Variants in IGHMBP2 observed in about 807,000 individuals in gnomAD.
The protein encoded by IGHMBP2 is immunoglobulin mu DNA binding protein 2.
In IGHMBP2, 81 loss-of-function variants were observed where a neutral mutation model predicts 96.0. The observed-to-expected ratio is 0.84, with a 90% CI of 0.71 to 1.01. IGHMBP2 has a LOEUF of 1.01. Among genes scored for constraint, IGHMBP2 ranks in the 50% least tolerant of loss-of-function variants. IGHMBP2 has a pLI of 0.00. For synonymous variants in IGHMBP2, 557 were observed against 548.9 expected (o/e 1.01, Z -0.21); for missense variants, 1,227 against 1,306.3 (o/e 0.94, Z 0.94).
rs1450898542 is a variant in IGHMBP2 at position 68,933,494 on chromosome 11, G to T, written c.1418+13G>T. On this transcript the variant is annotated intron_variant, in intron 9 of 14. Coordinates refer to ENST00000255078, the MANE Select transcript of IGHMBP2 (RefSeq NM_002180.3). ...GGCACCTCCTGAGGTGAGTAGCTCG[G>T]CACCACCCGCCGCCCCATCCTTCTG... 3.1e-6 allele frequency: 5 copies of T among 1,607,514 alleles called. No individual in the cohort carries two copies. The highest frequency in any genetic ancestry group is 4.2e-6 in the Non-Finnish European group (5 of 1,177,360).
chr11:68,930,088 T>C, intron 8 of IGHMBP2: 1 of 1,173,480 alleles, frequency 8.5e-7, no homozygotes, highest in African/African-American at 1.6e-5. Context: ...GCGTGCCCTC[T>C]CTCCAGATGA....
At chr11:68,931,371 G>A (rs895102325) in intron 8 of IGHMBP2, among the ~76,000 whole-genome samples, 5 of 152,200 alleles carry the variant, frequency 3.3e-5, no homozygotes, top group African/African-American at 1.2e-4. Flanking sequence ...GCTTGTTCCC[G>A]GCTCCTGCCT....
At chr11:68,934,352 G>C in intron 10 of IGHMBP2, 112 bp from the exon 11 acceptor site, 1 of 777,918 alleles carries the variant, frequency 1.3e-6, no homozygotes, top group Non-Finnish European at 2.2e-6. Context: ...AGCCACCTGA[G>C]TGGAGGATCA....
In IGHMBP2 at chr11:68,940,528, T is replaced by C. The variant is rs898341326; in HGVS notation, c.*797T>C. ...TTCTATTTAAGAGAACCTCAGATGA[T>C]GTACCTGAGCCTCAGGGTTTTGTTT... is the stretch of plus-strand genomic sequence containing the variant. On this transcript the variant is annotated 3_prime_UTR_variant, in exon 15 of 15. Coordinates refer to ENST00000255078, the MANE Select transcript of IGHMBP2 (RefSeq NM_002180.3). The C allele has an allele frequency of 6.6e-6, 1 of 152,208 alleles. No homozygotes were observed. Among genetic ancestry groups the C allele is most frequent in the Non-Finnish European group, 1.5e-5 (1 of 68,044 alleles). 9.4% of individuals were successfully genotyped at this position (152,208 alleles called of 1,614,324 possible). A position where few individuals can be genotyped will look rare whatever the true frequency, so the allele number is the denominator to read the frequency against.
intron 9 of IGHMBP2, 39 bp from the exon 10 acceptor site, chr11:68,933,756 G>A (rs762505690): frequency 5.3e-5 from 80 of 1,510,696 alleles, no homozygotes; most frequent in Non-Finnish European, 7.1e-5. Flanking sequence ...GTGCTGCACT[G>A]TGGCCCCCTG....
intron 4 of IGHMBP2, among the ~76,000 whole-genome samples, chr11:68,910,881 CAAAAAAA>C (rs10599717): frequency 8.3e-6 from 1 of 120,828 alleles, no homozygotes. Context: ...GACTCCATCT[CAAAAAAA>C]AAAAAAAAAA....
intron 4 of IGHMBP2, among the ~76,000 whole-genome samples, chr11:68,910,381 G>A (rs1248609349): frequency 6.6e-6 from 1 of 152,224 alleles, no homozygotes; most frequent in Non-Finnish European, 1.5e-5. Context: ...CTAGAGCACG[G>A]GAACGTGGGG....
In IGHMBP2 at chr11:68,908,294, CT is replaced by C; in HGVS notation, c.407del (p.Leu136ArgfsTer2). On this transcript the variant is annotated frameshift_variant, in exon 3 of 15. Coordinates refer to ENST00000255078, the MANE Select transcript of IGHMBP2 (RefSeq NM_002180.3). LOFTEE classifies it high-confidence loss of function. The stretch of plus-strand genomic sequence containing the variant: ...CTTGGACCGAGAGAATTCCTACAGA[CT>C]GTTAAAACTTGCCAATGATGTCACT... ...LSLDRENSYR[L>X]LKLANDVTYR... 6 of 1,614,180 alleles carry C rather than the reference CT, an allele frequency of 3.7e-6. No homozygotes were observed. Among genetic ancestry groups the C allele is most frequent in the Non-Finnish European group, 5.1e-6 (6 of 1,180,040 alleles).
intron 8 of IGHMBP2, chr11:68,930,296 C>A: frequency 7.8e-7 from 1 of 1,288,548 alleles, no homozygotes; most frequent in South Asian, 1.2e-5. Context: ...TTTTGAAACA[C>A]TTCTCTGTTT....
At chr11:68,920,407 C>G (rs1360559072) in intron 7 of IGHMBP2, among the ~76,000 whole-genome samples, 1 of 152,216 alleles carries the variant, frequency 6.6e-6, no homozygotes, top group Non-Finnish European at 1.5e-5. Context: ...CCCCACCTTT[C>G]TTTCAACTAG....
In IGHMBP2 at chr11:68,911,473, C is replaced by G. The variant is rs375694606; in HGVS notation, c.581C>G (p.Thr194Ser). 1.9e-6 allele frequency: 3 copies of G among 1,614,170 alleles called. No homozygotes were observed. The highest frequency in any genetic ancestry group is 1.7e-5 in the Admixed American group (1 of 60,018). Residue 194 changes from threonine (T) to serine (S), a missense_variant, in exon 5 of 15, where the codon ACC becomes AGC. Physicochemically the swap from Thr to Ser is moderately conservative, Grantham distance 58. Coordinates refer to ENST00000255078, the MANE Select transcript of IGHMBP2 (RefSeq NM_002180.3). ...PLTFFNTCLD[T>S]SQKEAVLFAL... is the part of the protein sequence containing the mutation. ...ACATTCTTCAACACCTGCCTGGACA[C>G]CTCCCAGAAAGAAGCGGTTTTATTT...
In IGHMBP2 at chr11:68,911,355, T is replaced by TC. The variant is rs529782776; in HGVS notation, c.548-80dup. 8.0e-4 allele frequency: 1,119 copies of TC among 1,403,602 alleles called. 35 individuals are homozygous for TC. In the East Asian group the frequency reaches 0.019, roughly 24 times the overall value. 86.9% of individuals were successfully genotyped at this position (1,403,602 alleles called of 1,614,324 possible). A position where few individuals can be genotyped will look rare whatever the true frequency, so the allele number is the denominator to read the frequency against. On this transcript the variant is annotated intron_variant, in intron 4 of 14. Coordinates refer to ENST00000255078, the MANE Select transcript of IGHMBP2 (RefSeq NM_002180.3). The stretch of plus-strand genomic sequence containing the variant: ...GCGTGTTCCTGACAGGCATCACTCA[T>TC]CCCCCGGGGCACACACTCTCTGAGG...
At chr11:68,935,214 T>C (rs1304013073) in intron 11 of IGHMBP2, 85 bp from the exon 12 acceptor site, 2 of 1,554,490 alleles carry the variant, frequency 1.3e-6, no homozygotes, top group Admixed American at 3.6e-5. Flanking sequence ...TTTCACAGCG[T>C]GAGGCCCTCT....
chr11:68,904,064 C>T, intron 1 of IGHMBP2, 26 bp downstream of exon 1: 1 of 1,535,744 alleles, frequency 6.5e-7, no homozygotes, highest in Non-Finnish European at 8.8e-7. Flanking sequence ...GGCGCCGCTC[C>T]CTCGCGGTCG....
In IGHMBP2 at chr11:68,938,465, C is replaced by A. The variant is rs79957506; in HGVS notation, c.2784+111C>A. On this transcript the variant is annotated intron_variant, in intron 14 of 14. Coordinates refer to ENST00000255078, the MANE Select transcript of IGHMBP2 (RefSeq NM_002180.3). ...TCCAGTCGGAACAGTTAGCTCCTTA[C>A]AATCTCCAGATACCTTCAGAAACAG... 0.025 allele frequency: 23,267 copies of A among 946,312 alleles called. 441 individuals carry two copies. The highest frequency in any genetic ancestry group is 0.03 in the Non-Finnish European group (19,136 of 635,568). The allele number at this position is 946,312 out of a possible 1,614,324, so 58.6% of individuals were successfully genotyped here.
At chr11:68,934,350 G>C in intron 10 of IGHMBP2, 114 bp from the exon 11 acceptor site, 1 of 770,228 alleles carries the variant, frequency 1.3e-6, no homozygotes, top group Non-Finnish European at 2.3e-6. Flanking sequence ...GAAGCCACCT[G>C]AGTGGAGGAT....
chr11:68,934,385 G>T, intron 10 of IGHMBP2, 79 bp from the exon 11 acceptor site: 1 of 981,558 alleles, frequency 1.0e-6, no homozygotes, highest in South Asian at 1.4e-5. Flanking sequence ...AGACAGAAAC[G>T]TGCCCGAAAC....
chr11:68,916,975 C>CTTTTTTTT (rs11418103), intron 6 of IGHMBP2, among the ~76,000 whole-genome samples: 1 of 103,348 alleles, frequency 9.7e-6, no homozygotes, highest in Non-Finnish European at 1.8e-5. Flanking sequence ...AAGGTTACAT[C>CTTTTTTTT]TTTTTTTTTT....
chr11:68,914,179 C>G (rs1858556318), intron 5 of IGHMBP2, among the ~76,000 whole-genome samples: 1 of 152,072 alleles, frequency 6.6e-6, no homozygotes, highest in Non-Finnish European at 1.5e-5. Flanking sequence ...GAAGCTTTAA[C>G]AGCAGATGGT....
Sources: gnomAD v4.1 joint callset for allele counts (sites outside exome capture counted in the v4.1 genomes callset) on GRCh38, gnomAD v4.1.1 for gene constraint, MANE v1.5 for transcripts, NCBI Gene and HGNC (gene_info 2026-07-23, HGNC 2026-07-21) for gene names.